The following ASIC2 variants were observed in gnomAD, a reference collection of about 807,000 sequenced individuals.
ASIC2 encodes acid-sensing ion channel 2.
In ASIC2, 25 loss-of-function variants were observed where a neutral mutation model predicts 57.3. The ratio of observed to expected loss-of-function variants is 0.44; its 90% confidence interval spans 0.32 to 0.61. ASIC2 has a LOEUF of 0.61. Among genes scored for constraint, ASIC2 ranks in the 20% least tolerant of loss-of-function variants. The probability of loss-of-function intolerance (pLI) is 0.06; values close to 1 mark genes in which losing one functional copy is unlikely to be tolerated. For missense variants in ASIC2, 641 were observed against 738.1 expected (o/e 0.87, Z 1.52); for synonymous variants, 319 against 307.5 (o/e 1.04, Z -0.39).
chr17:33,999,373 T>C (rs1428205566), intron 1 of ASIC2, among the ~76,000 whole-genome samples: 1 of 152,158 alleles, frequency 6.6e-6, no homozygotes, highest in African/African-American at 2.4e-5. Context: ...TAATTATCAA[T>C]AGGTAAGGCA....
chr17:33,302,869 C>T (rs1368719498), intron 1 of ASIC2, among the ~76,000 whole-genome samples: 1 of 152,164 alleles, frequency 6.6e-6, no homozygotes, highest in Non-Finnish European at 1.5e-5. Context: ...TTTCTCAGGA[C>T]AACTCTGTCA....
At chr17:33,195,179 C>A (rs1016036426) in intron 1 of ASIC2, among the ~76,000 whole-genome samples, 1 of 152,194 alleles carries the variant, frequency 6.6e-6, no homozygotes, top group Non-Finnish European at 1.5e-5. Context: ...ACCCCAACCT[C>A]CCTGAGCACA....
intron 1 of ASIC2, among the ~76,000 whole-genome samples, chr17:33,185,485 C>A (rs1906155524): frequency 6.6e-6 from 1 of 152,074 alleles, no homozygotes; most frequent in African/African-American, 2.4e-5. Context: ...AGAAGAGAAA[C>A]AAACAAATCG....
chr17:33,991,521 G>C (rs986209969), intron 1 of ASIC2, among the ~76,000 whole-genome samples: 1 of 152,206 alleles, frequency 6.6e-6, no homozygotes, highest in African/African-American at 2.4e-5. Flanking sequence ...TCTGCATGGA[G>C]TAAGGGTCTG....
chr17:33,371,544 T>G (rs1909060152), intron 1 of ASIC2, among the ~76,000 whole-genome samples: 1 of 152,222 alleles, frequency 6.6e-6, no homozygotes, highest in Non-Finnish European at 1.5e-5. Context: ...TTTCACATCT[T>G]GACTCTGCCA....
intron 1 of ASIC2, among the ~76,000 whole-genome samples, chr17:34,144,272 G>A (rs1912355471): frequency 6.6e-6 from 1 of 152,194 alleles, no homozygotes; most frequent in Non-Finnish European, 1.5e-5. Flanking sequence ...TTATTAACAG[G>A]TTTTGTAAGC....
At chr17:34,074,674 A>G (rs529370757) in intron 1 of ASIC2, among the ~76,000 whole-genome samples, 7 of 152,150 alleles carry the variant, frequency 4.6e-5, no homozygotes, top group African/African-American at 1.7e-4. Context: ...TTAGGAAGGC[A>G]GCATTACGTG....
At chr17:33,374,070 G>A (rs373838491) in intron 1 of ASIC2, among the ~76,000 whole-genome samples, 151 of 152,060 alleles carry the variant, frequency 9.9e-4, no homozygotes, top group African/African-American at 3.5e-3. Flanking sequence ...ATCTTGGCTC[G>A]CTGCAACCAC....
intron 1 of ASIC2, among the ~76,000 whole-genome samples, chr17:33,407,507 C>T (rs1424333942): frequency 4.6e-5 from 7 of 152,184 alleles, no homozygotes; most frequent in Non-Finnish European, 1.0e-4. Context: ...TCCTGATACT[C>T]CCATAATGCA....
chr17:34,068,795 T>C (rs965895897), intron 1 of ASIC2, among the ~76,000 whole-genome samples: 2 of 152,194 alleles, frequency 1.3e-5, no homozygotes, highest in African/African-American at 4.8e-5. Flanking sequence ...TATTGGACTT[T>C]CATGAGTTGG....
chr17:33,610,943 C>G (rs1166144424), intron 1 of ASIC2, among the ~76,000 whole-genome samples: 2 of 152,078 alleles, frequency 1.3e-5, no homozygotes, highest in Non-Finnish European at 2.9e-5. Context: ...ACAACTGGTG[C>G]CTAAAAAATT....
rs950012056 is a variant in ASIC2 at position 33,239,507 on chromosome 17, T to A, written c.708+51901A>T. On this transcript the variant is annotated intron_variant, in intron 1 of 9. Coordinates refer to ENST00000225823, the MANE Select transcript of ASIC2 (RefSeq NM_183377.2). Reference sequence around the variant, plus strand: ...AAACTCTGCAGGACAGAGAATTTGTTTTTTGTCTCTTTTGCTTTCTGCTAT... The same window carrying A: ...AAACTCTGCAGGACAGAGAATTTGTATTTTGTCTCTTTTGCTTTCTGCTAT... Among the ~76,000 whole-genome samples, 12 of 152,352 alleles carry A rather than the reference T, an allele frequency of 7.9e-5. 1 individual carries two copies. In the South Asian group the frequency reaches 2.5e-3, roughly 32 times the overall value.
In ASIC2 at chr17:33,028,523, C is replaced by T. The variant is rs2091868230; in HGVS notation, c.988-131G>A. ...AACTTTATAGACCTTCAACATCTGG[C>T]TCCAATACTAGTTTTCTTACCTTAC... On this transcript the variant is annotated intron_variant, in intron 3 of 9. Transcript: ENST00000225823. The T allele has an allele frequency of 3.5e-6, 4 of 1,148,600 alleles. No individual in the cohort carries two copies. The African/African-American group carries it at 6.3e-5, about 18-fold the overall frequency. 71.2% of individuals were successfully genotyped at this position (1,148,600 alleles called of 1,614,324 possible). A position where few individuals can be genotyped will look rare whatever the true frequency, so the allele number is the denominator to read the frequency against.
chr17:33,302,854 A>C (rs1906015222), intron 1 of ASIC2, among the ~76,000 whole-genome samples: 1 of 152,186 alleles, frequency 6.6e-6, no homozygotes, highest in Non-Finnish European at 1.5e-5. Context: ...GGCATCTTGG[A>C]GTGGTTTCTC....
chr17:33,118,496 C>T (rs556012659), intron 1 of ASIC2, among the ~76,000 whole-genome samples: 4 of 152,184 alleles, frequency 2.6e-5, no homozygotes, highest in East Asian at 1.9e-4. Context: ...CTCATAGCCA[C>T]GGCTCATATC....
intron 1 of ASIC2, among the ~76,000 whole-genome samples, chr17:33,488,016 A>G (rs2141931886): frequency 6.6e-6 from 1 of 152,316 alleles, no homozygotes; most frequent in Admixed American, 6.5e-5. Context: ...TTACCTTGTG[A>G]TAAACTCCCT....
At chr17:34,091,144 C>G (rs540476579) in intron 1 of ASIC2, among the ~76,000 whole-genome samples, 5 of 152,330 alleles carry the variant, frequency 3.3e-5, no homozygotes, top group Non-Finnish European at 5.9e-5. Flanking sequence ...AAGATCAAGA[C>G]CCCCTTGGTA....
intron 1 of ASIC2, among the ~76,000 whole-genome samples, chr17:34,033,000 T>G (rs1362129867): frequency 1.3e-5 from 2 of 152,222 alleles, no homozygotes; most frequent in East Asian, 3.8e-4. Flanking sequence ...AACTCAGCTC[T>G]GCACCAAGCG....
chr17:33,537,643 G>A (rs574670032), intron 1 of ASIC2, among the ~76,000 whole-genome samples: 3 of 152,216 alleles, frequency 2.0e-5, no homozygotes, highest in Non-Finnish European at 4.4e-5. Flanking sequence ...CAAGTCAGCA[G>A]ATGCTCAGAT....
Sources: gnomAD v4.1 joint callset for allele counts (sites outside exome capture counted in the v4.1 genomes callset) on GRCh38, gnomAD v4.1.1 for gene constraint, MANE v1.5 for transcripts, NCBI Gene and HGNC (gene_info 2026-07-23, HGNC 2026-07-21) for gene names.